CABIN1: variants seen among roughly 807,000 people sequenced by gnomAD.
CABIN1 encodes the protein calcineurin binding protein 1, also known as calcineurin-binding protein cabin-1.
Under a neutral mutation model 227.7 loss-of-function variants are expected in CABIN1, and 133 were observed. The ratio of observed to expected loss-of-function variants is 0.58; its 90% CI spans 0.51 to 0.67. The LOEUF (loss-of-function observed/expected upper bound fraction) is 0.67, where lower values mean the gene tolerates loss of function less well. Among genes scored for constraint, CABIN1 ranks in the 30% least tolerant of loss-of-function variants. The probability of loss-of-function intolerance (pLI) is 0.00; values close to 1 mark genes in which losing one functional copy is unlikely to be tolerated. For synonymous variants in CABIN1, 1,086 were observed against 1,155.1 expected, an observed-to-expected ratio of 0.94 and a Z score of 1.21; for missense variants, 2,408 against 2,852.5, an observed-to-expected ratio of 0.84 and a Z score of 3.55.
At chr22:24,095,069 A>G (rs1016482604) in intron 24 of CABIN1, among the ~76,000 whole-genome samples, 3 of 152,194 alleles carry the variant, frequency 2.0e-5, no homozygotes, top group African/African-American at 7.2e-5. Context: ...TCTGGGCTCC[A>G]TAGGTGGGCT....
At chr22:24,100,786 C>T (rs1186761117) in intron 26 of CABIN1, among the ~76,000 whole-genome samples, 1 of 152,238 alleles carries the variant, frequency 6.6e-6, no homozygotes, top group Non-Finnish European at 1.5e-5. Flanking sequence ...CATATGTGCT[C>T]TGCAACCTTG....
At position 24,091,597 on chromosome 22, in the gene CABIN1, C is replaced by T. The variant is rs115993813; in HGVS notation, c.3540C>T (p.Arg1180=). Reference sequence around the variant, plus strand: ...TCTTCTTACAGATGGAGGGCCGGCGCGACAGCATGCTAGAGACAGCCAAGC... The same window carrying T: ...TCTTCTTACAGATGGAGGGCCGGCGTGACAGCATGCTAGAGACAGCCAAGC... The part of the protein sequence containing the change: ...PELVQQMEGR[R]DSMLETAKHC... The change falls in exon 24 of 37, where the codon CGC becomes CGT. Residue 1180 remains arginine, a synonymous_variant. Transcript: ENST00000263119. 4.0e-4 allele frequency: 643 copies of T among 1,614,148 alleles called. 4 individuals carry two copies. The African/African-American group carries it at 7.6e-3, about 19-fold the overall frequency.
chr22:24,139,656 T>A (rs1391577913), intron 29 of CABIN1, among the ~76,000 whole-genome samples: 1 of 152,084 alleles, frequency 6.6e-6, no homozygotes, highest in Non-Finnish European at 1.5e-5. Context: ...TGTGAGAAGG[T>A]CAGGTCATTT....
At chr22:24,134,474 G>A in intron 29 of CABIN1, 59 bp downstream of exon 29, 1 of 1,438,354 alleles carries the variant, frequency 7.0e-7, no homozygotes. Context: ...TTTCACTGAA[G>A]GCGCATGAAT....
At chr22:24,140,364 TC>T (rs2044682008) in intron 29 of CABIN1, among the ~76,000 whole-genome samples, 1 of 152,162 alleles carries the variant, frequency 6.6e-6, no homozygotes, top group African/African-American at 2.4e-5. Context: ...GTCCCACTGT[TC>T]CACACACCGT....
chr22:24,018,715 C>A (rs1010153349), intron 1 of CABIN1, among the ~76,000 whole-genome samples: 3 of 152,036 alleles, frequency 2.0e-5, no homozygotes, highest in African/African-American at 7.2e-5. Flanking sequence ...TTATACCTAT[C>A]CCCCCTTACA....
At chr22:24,040,410 G>A (rs909043873) in intron 4 of CABIN1, among the ~76,000 whole-genome samples, 1 of 152,230 alleles carries the variant, frequency 6.6e-6, no homozygotes, top group African/African-American at 2.4e-5. Context: ...ACCTGCCCCA[G>A]GAAAGAGCTT....
At chr22:24,093,672 T>C (rs756985692) in intron 24 of CABIN1, among the ~76,000 whole-genome samples, 26 of 151,892 alleles carry the variant, frequency 1.7e-4, no homozygotes, top group Non-Finnish European at 3.8e-4. Flanking sequence ...GAGCTGGGGA[T>C]CTCAGAGACT....
intron 1 of CABIN1, among the ~76,000 whole-genome samples, chr22:24,018,422 ATC>A (rs2035463769): frequency 1.3e-5 from 2 of 152,320 alleles, no homozygotes; most frequent in South Asian, 2.1e-4. Flanking sequence ...ATTCACCAGT[ATC>A]TCCTTTAGTA....
At position 24,062,502 on chromosome 22, in the gene CABIN1, C is replaced by T. The variant is rs1219172196; in HGVS notation, c.1697-457C>T. Among the ~76,000 whole-genome samples the T allele has an allele frequency of 4.6e-5, 7 of 151,980 alleles. No homozygotes were observed. In the South Asian group the frequency reaches 8.4e-4, roughly 18 times the overall value. On this transcript the variant is annotated intron_variant, in intron 13 of 36. Coordinates refer to ENST00000263119, the MANE Select transcript of CABIN1 (RefSeq NM_012295.4). The stretch of plus-strand genomic sequence containing the variant: ...CCTCCCGAGGAGCTGGGACTACAGG[C>T]GTGTGCCACCATGCCTGGCTAATTT...
intron 29 of CABIN1, chr22:24,155,985 C>G: frequency 1.8e-6 from 1 of 561,518 alleles, no homozygotes; most frequent in Non-Finnish European, 3.1e-6. Flanking sequence ...CCGCCCCGGC[C>G]CGCCGCGAGC....
chr22:24,139,688 AGTCTCCTTGGGTGGACACAT>A lies in CABIN1; in HGVS notation c.4746+5276_4746+5295del, dbSNP rs1438001641. On this transcript the variant is annotated intron_variant, in intron 29 of 36. Coordinates refer to ENST00000263119, the MANE Select transcript of CABIN1 (RefSeq NM_012295.4). ...ATTTTGCTCTCTGCAGCTGCTGCCC[AGTCTCCTTGGGTGGACACAT>A]GTATGGGCCCAGTGTCTGCTCTCAC... Among the ~76,000 whole-genome samples the A allele has an allele frequency of 2.6e-4, 39 of 152,278 alleles. 1 individual carries two copies. The highest frequency in any genetic ancestry group is 9.1e-4 in the African/African-American group (38 of 41,562).
intron 28 of CABIN1, among the ~76,000 whole-genome samples, chr22:24,127,285 G>A (rs1488683773): frequency 2.0e-5 from 3 of 152,228 alleles, no homozygotes; most frequent in African/African-American, 7.2e-5. Context: ...GGTGCCTGTC[G>A]GGGCTGGCCA....
intron 18 of CABIN1, among the ~76,000 whole-genome samples, chr22:24,073,531 G>T (rs1039262447): frequency 2.0e-5 from 3 of 152,162 alleles, no homozygotes; most frequent in African/African-American, 7.2e-5. Flanking sequence ...TGCTCAGAAA[G>T]TTACCAGCTG....
intron 19 of CABIN1, among the ~76,000 whole-genome samples, chr22:24,077,317 A>G (rs2040512030): frequency 6.6e-6 from 1 of 152,200 alleles, no homozygotes; most frequent in Non-Finnish European, 1.5e-5. Context: ...AGTTTTGTTC[A>G]CTGCTGGATC....
At chr22:24,029,269 A>G (rs1009286391) in intron 1 of CABIN1, among the ~76,000 whole-genome samples, 1 of 152,186 alleles carries the variant, frequency 6.6e-6, no homozygotes, top group African/African-American at 2.4e-5. Flanking sequence ...CATGAGAATC[A>G]CTTGAACCCA....
intron 25 of CABIN1, among the ~76,000 whole-genome samples, chr22:24,097,130 A>G (rs1050131815): frequency 6.6e-6 from 1 of 152,194 alleles, no homozygotes; most frequent in Non-Finnish European, 1.5e-5. Context: ...TTTAGTCACA[A>G]AGGGCCCCCA....
intron 1 of CABIN1, among the ~76,000 whole-genome samples, chr22:24,033,792 G>A (rs1354074585): frequency 6.6e-6 from 1 of 152,168 alleles, no homozygotes; most frequent in African/African-American, 2.4e-5. Context: ...TTCCCCTAAA[G>A]TGTACAAATT....
intron 18 of CABIN1, 31 bp downstream of exon 18, chr22:24,072,541 G>T (rs778308481): frequency 6.2e-7 from 1 of 1,613,634 alleles, no homozygotes; most frequent in Non-Finnish European, 8.5e-7. Flanking sequence ...GTGGGGATGA[G>T]CTCTGACTCC....
Sources: gnomAD v4.1 joint callset for allele counts (sites outside exome capture counted in the v4.1 genomes callset) on GRCh38, gnomAD v4.1.1 for gene constraint, MANE v1.5 for transcripts, NCBI Gene and HGNC (gene_info 2026-07-23, HGNC 2026-07-21) for gene names.